The following LIME1 variants were observed in gnomAD, a reference collection of about 807,000 sequenced individuals.
LIME1 encodes the protein lck-interacting transmembrane adapter 1.
LIME1 carries 23 observed loss-of-function variants against 18.8 expected under a neutral mutation model. The ratio of observed to expected loss-of-function variants is 1.22; its 90% confidence interval spans 0.88 to 1.73. LIME1 has a LOEUF of 1.73. LIME1 is among the 40% of genes most tolerant of loss of function. LIME1 has a pLI of 0.00. For synonymous variants in LIME1, 177 were observed against 182.3 expected (o/e 0.97, Z 0.23); for missense variants, 423 against 396.8 (o/e 1.07, Z -0.56).
In LIME1 at chr20:63,738,612, C is replaced by CTCCA. The variant is rs1304235868; in HGVS notation, c.601_604dup (p.Arg202IlefsTer7). The CTCCA allele has an allele frequency of 6.4e-7, 1 of 1,571,286 alleles. No individual in the cohort carries two copies. The highest frequency in any genetic ancestry group is 2.3e-5 in the East Asian group (1 of 44,440). Reference sequence around the variant, plus strand: ...CCTGTCTCCAGGTGGACGTCCTGTACTCCAGGGTCTGCAAGCCTAAAAGGA... The same window carrying CTCCA: ...CCTGTCTCCAGGTGGACGTCCTGTACTCCATCCAGGGTCTGCAAGCCTAAAAGGA... On this transcript the variant is annotated frameshift_variant, in exon 6 of 6. Coordinates refer to ENST00000309546, the MANE Select transcript of LIME1 (RefSeq NM_017806.4). LOFTEE classifies it low-confidence loss of function (END_TRUNC).
chr20:63,737,961 C>T lies in LIME1; in HGVS notation c.181-12C>T. The T allele has an allele frequency of 6.4e-7, 1 of 1,570,694 alleles. No individual in the cohort carries two copies. Among genetic ancestry groups the T allele is most frequent in the Non-Finnish European group, 8.6e-7 (1 of 1,159,804 alleles). On this transcript the variant is annotated splice_polypyrimidine_tract_variant and intron_variant, in intron 3 of 5. Coordinates refer to ENST00000309546, the MANE Select transcript of LIME1 (RefSeq NM_017806.4). ...GGTCCGCAGGGCACCGACCAGCCTT[C>T]CTCGCCCCCAGTCCCTACTGAGGCG...
At chr20:63,737,313 C>T (rs2092001833) in intron 1 of LIME1, 1 of 1,277,378 alleles carries the variant, frequency 7.8e-7, no homozygotes, top group Admixed American at 4.0e-5. Context: ...CACGGAGGGG[C>T]CAGGCAGAGC....
At chr20:63,738,556 G>A in intron 5 of LIME1, 42 bp from the exon 6 acceptor site, 1 of 1,518,840 alleles carries the variant, frequency 6.6e-7, no homozygotes, top group East Asian at 2.3e-5. Flanking sequence ...TCAGCAGGTT[G>A]GATGGTGCTG....
chr20:63,736,685 G>A lies in LIME1; in HGVS notation c.-45G>A, dbSNP rs2091993166. The stretch of plus-strand genomic sequence containing the variant: ...AGACCTTCCTGGCCTGCCCCAGACA[G>A]AGCTGAGGACCCCTGGCCGTGGGCT... On this transcript the variant is annotated 5_prime_UTR_variant, in exon 1 of 6. Coordinates refer to ENST00000309546, the MANE Select transcript of LIME1 (RefSeq NM_017806.4). The A allele has an allele frequency of 5.1e-6, 5 of 985,590 alleles. No homozygotes were observed. In the South Asian group the frequency reaches 2.3e-4, roughly 46 times the overall value. The allele number at this position is 985,590 out of a possible 1,614,324, so 61.1% of individuals were successfully genotyped here.
intron 1 of LIME1, chr20:63,737,053 G>T: frequency 1.0e-6 from 1 of 986,980 alleles, no homozygotes; most frequent in Non-Finnish European, 1.2e-6. Context: ...AGCTCCTCCG[G>T]GTGCAGGGTC....
At chr20:63,737,338 T>C in intron 1 of LIME1, 195 bp from the exon 2 acceptor site, 1 of 1,323,092 alleles carries the variant, frequency 7.6e-7, no homozygotes, top group Non-Finnish European at 9.6e-7. Context: ...CTAGTTCACC[T>C]CACCGGGAGC....
chr20:63,736,942 C>G (rs1018905647), intron 1 of LIME1: 1 of 985,534 alleles, frequency 1.0e-6, no homozygotes, highest in African/African-American at 1.7e-5. Context: ...GGGGACAGAT[C>G]CTCTCTGGCA....
rs767522796 is a variant in LIME1, at chr20:63,738,040, G to A, written c.248G>A (p.Arg83Gln). 18 of 1,553,094 alleles carry A rather than the reference G, an allele frequency of 1.2e-5. No individual in the cohort carries two copies. Among genetic ancestry groups the A allele is most frequent in the African/African-American group, 2.8e-5 (2 of 72,472 alleles). ...GACACCAGACTGCACGAGCTGCACC[G>A]GGGCCCGCGCAGCAGCAGGGGTGAG... ...KSDTRLHELH[R>Q]GPRSSRALRP... The change falls in exon 4 of 6, where the codon CGG (arginine) becomes CAG (glutamine). Residue 83 changes from arginine (R) to glutamine (Q), a missense_variant. Physicochemically the swap from Arg to Gln is conservative, Grantham distance 43. Coordinates refer to ENST00000309546, the MANE Select transcript of LIME1 (RefSeq NM_017806.4).
chr20:63,737,763 C>G, intron 2 of LIME1, 58 bp from the exon 3 acceptor site: 1 of 1,419,138 alleles, frequency 7.0e-7, no homozygotes, highest in Non-Finnish European at 9.3e-7. Context: ...GCGCCTGCAC[C>G]GGGCCTTGGA....
At chr20:63,737,063 C>T (rs1464619818) in intron 1 of LIME1, 1 of 987,480 alleles carries the variant, frequency 1.0e-6, no homozygotes, top group Non-Finnish European at 1.2e-6. Context: ...GGTGCAGGGT[C>T]CCTCCTGCTG....
At position 63,738,359 on chromosome 20, in the gene LIME1, G is replaced by A; in HGVS notation, c.445G>A (p.Gly149Arg). 6.4e-7 allele frequency: 1 copy of A among 1,556,400 alleles called. No individual in the cohort carries two copies. Among genetic ancestry groups the A allele is most frequent in the Non-Finnish European group, 8.7e-7 (1 of 1,151,962 alleles). Reference protein sequence around the residue: ...AGLEATYSNVGLAALPGVSLA... With the variant: ...AGLEATYSNVRLAALPGVSLA... ...CCTCGAGGCCACCTATTCCAACGTG[G>A]GGCTGGCGGCCCTTCCCGGGGTCAG... The change falls in exon 5 of 6, where the codon GGG becomes AGG. Residue 149 changes from glycine (G) to arginine (R), a missense_variant. Physicochemically the swap from Gly to Arg is moderately radical, Grantham distance 125 (BLOSUM62 -2). Transcript: ENST00000309546.
rs867615847 is a variant in LIME1 at position 63,737,470 on chromosome 20, G to A, written c.-17-63G>A. ...CGCAGCCGCGGGAGGTGCAGATTTG[G>A]GGCTGCCAGGTGGCGCCAGGTCCCC... On this transcript the variant is annotated intron_variant, in intron 1 of 5. Transcript: ENST00000309546. 25 of 1,402,756 alleles carry A rather than the reference G, an allele frequency of 1.8e-5. No homozygotes were observed. The Admixed American group carries it at 5.8e-4, about 32-fold the overall frequency. The allele number at this position is 1,402,756 out of a possible 1,614,324, so 86.9% of individuals were successfully genotyped here.
upstream of LIME1, chr20:63,735,712 G>T (rs2091981388): frequency 1.3e-6 from 2 of 1,545,582 alleles, no homozygotes; most frequent in African/African-American, 2.7e-5. Context: ...CACACAGGCA[G>T]TGGGTACGGC....
At chr20:63,738,150 C>T (rs1224747539) in intron 4 of LIME1, 33 bp from the exon 5 acceptor site, 2 of 1,540,426 alleles carry the variant, frequency 1.3e-6, no homozygotes, top group African/African-American at 1.4e-5. Context: ...TGCCCCCTGC[C>T]CGGAGTGAAC....
upstream of LIME1, chr20:63,736,646 C>T (rs1464176751): frequency 1.4e-5 from 14 of 985,844 alleles, no homozygotes; most frequent in Middle Eastern, 5.2e-4. Flanking sequence ...GGAGCTCAGC[C>T]GAGGGCTGCA....
chr20:63,738,867 G>T lies in LIME1; in HGVS notation c.855G>T (p.Arg285Ser). The change falls in exon 6 of 6, where the codon AGG becomes AGT. Residue 285 changes from arginine to serine, a missense_variant. Physicochemically the swap from Arg to Ser is moderately radical, Grantham distance 110. Transcript: ENST00000309546. ...CTTCCAGCTGCCCCAGCCTAGGGAGGGGCTGGAGACCCCTCCCTGCCTCCC... is the reference window on the plus strand; with the variant it reads ...CTTCCAGCTGCCCCAGCCTAGGGAGTGGCTGGAGACCCCTCCCTGCCTCCC... ...PPASSCPSLG[R>S]GWRPLPASLP 1 of 1,609,438 alleles carries T rather than the reference G, an allele frequency of 6.2e-7. No individual in the cohort carries two copies. Among genetic ancestry groups the T allele is most frequent in the East Asian group, 2.2e-5 (1 of 44,692 alleles).
At chr20:63,736,781 AGCCAGGCTGAAGCCCACTCCCTGGGTCT>A (rs2091994415) in intron 1 of LIME1, 69 bp downstream of exon 1, 1 of 985,516 alleles carries the variant, frequency 1.0e-6, no homozygotes, top group Non-Finnish European at 1.2e-6. Flanking sequence ...TGGGTCAGTC[AGCCAGGCTGAAGCCCACTCCCTGGGTCT>A]GAGCAGACTG....
Position 63,738,046 on chromosome 20 carries a change from C to T in LIME1, c.254C>T (p.Pro85Leu), listed in dbSNP as rs867404232. The T allele has an allele frequency of 3.3e-6, 5 of 1,494,258 alleles. No individual in the cohort carries two copies. Among genetic ancestry groups the T allele is most frequent in the Non-Finnish European group, 3.6e-6 (4 of 1,106,484 alleles). 92.6% of individuals were successfully genotyped at this position (1,494,258 alleles called of 1,614,324 possible). A position where few individuals can be genotyped will look rare whatever the true frequency, so the allele number is the denominator to read the frequency against. ...DTRLHELHRGPRSSRALRPAS... is the reference protein window; with the variant it reads ...DTRLHELHRGLRSSRALRPAS... ...AGACTGCACGAGCTGCACCGGGGCCCGCGCAGCAGCAGGGGTGAGCAGAGG... is the reference window on the plus strand; with the variant it reads ...AGACTGCACGAGCTGCACCGGGGCCTGCGCAGCAGCAGGGGTGAGCAGAGG... The change falls in exon 4 of 6, where the codon CCG becomes CTG. Residue 85 changes from proline to leucine, a missense_variant. Coordinates refer to ENST00000309546, the MANE Select transcript of LIME1 (RefSeq NM_017806.4).
intron 1 of LIME1, 185 bp from the exon 2 acceptor site, chr20:63,737,348 C>A: frequency 7.6e-7 from 1 of 1,321,344 alleles, no homozygotes; most frequent in Non-Finnish European, 9.6e-7. Context: ...TCACCGGGAG[C>A]CCCCGCCAGA....
Sources: gnomAD v4.1 joint callset for allele counts on GRCh38, gnomAD v4.1.1 for gene constraint, MANE v1.5 for transcripts, NCBI Gene and HGNC (gene_info 2026-07-23, HGNC 2026-07-21) for gene names.